Variants in MDGA2 observed in about 807,000 individuals in gnomAD.
The protein encoded by MDGA2 is MAM domain containing glycosylphosphatidylinositol anchor 2.
MDGA2 carries 40 observed loss-of-function variants against 117.8 expected under a neutral mutation model. That is an observed-to-expected ratio of 0.34 (90% CI 0.26 to 0.44). The LOEUF is 0.44. Among genes scored for constraint, MDGA2 ranks in the 20% least tolerant of loss-of-function variants. The pLI, the probability that MDGA2 is intolerant of heterozygous loss-of-function variation, is 1.00. For missense variants in MDGA2, 1,123 were observed against 1,250.6 expected (o/e 0.90, Z 1.54); for synonymous variants, 452 against 439.0 (o/e 1.03, Z -0.37).
At chr14:47,582,854 C>T (rs1896254300) in intron 1 of MDGA2, among the ~76,000 whole-genome samples, 1 of 151,844 alleles carries the variant, frequency 6.6e-6, no homozygotes, top group Non-Finnish European at 1.5e-5. Context: ...TTCTCTTAAT[C>T]CAGAATTAGT....
intron 1 of MDGA2, among the ~76,000 whole-genome samples, chr14:47,430,938 G>A (rs994623250): frequency 1.3e-5 from 2 of 152,150 alleles, no homozygotes; most frequent in African/African-American, 4.8e-5. Flanking sequence ...TTGACTGAGT[G>A]CACACTCATC....
chr14:46,866,756 G>C (rs1348635431), intron 14 of MDGA2, among the ~76,000 whole-genome samples: 1 of 150,822 alleles, frequency 6.6e-6, no homozygotes, highest in African/African-American at 2.4e-5. Context: ...CTTCTCAAAA[G>C]AAGACATTTA....
chr14:47,218,947 C>A (rs1181699731), intron 2 of MDGA2, among the ~76,000 whole-genome samples: 2 of 152,064 alleles, frequency 1.3e-5, no homozygotes, highest in Non-Finnish European at 2.9e-5. Context: ...TTCGTTTTTG[C>A]TGGCAATAAT....
At chr14:47,040,622 C>A (rs1163067963) in intron 7 of MDGA2, among the ~76,000 whole-genome samples, 1 of 152,154 alleles carries the variant, frequency 6.6e-6, no homozygotes, top group Non-Finnish European at 1.5e-5. Flanking sequence ...ATGAGCAGTT[C>A]TTTTCCATGG....
intron 2 of MDGA2, among the ~76,000 whole-genome samples, chr14:47,268,026 A>AG (rs1888021976): frequency 2.0e-5 from 3 of 151,628 alleles, no homozygotes; most frequent in Admixed American, 2.0e-4. Context: ...AATAGGACAA[A>AG]GGCTACAATC....
At chr14:47,460,419 AC>A in intron 1 of MDGA2, among the ~76,000 whole-genome samples, 1 of 152,298 alleles carries the variant, frequency 6.6e-6, no homozygotes, top group Admixed American at 6.5e-5. Context: ...GCACTGTATT[AC>A]AACATTTACA....
intron 1 of MDGA2, among the ~76,000 whole-genome samples, chr14:47,649,540 C>T (rs1945299777): frequency 2.6e-5 from 4 of 152,048 alleles, no homozygotes; most frequent in African/African-American, 9.7e-5. Flanking sequence ...CAAAAATTAC[C>T]TGAGCATGGA....
At chr14:46,921,220 C>T (rs1215762266) in intron 9 of MDGA2, among the ~76,000 whole-genome samples, 2 of 151,978 alleles carry the variant, frequency 1.3e-5, no homozygotes, top group Non-Finnish European at 2.9e-5. Flanking sequence ...TTTTTCCAGA[C>T]TTTTCATGTA....
chr14:47,124,132 T>C (rs189349043), intron 5 of MDGA2, among the ~76,000 whole-genome samples: 12 of 152,198 alleles, frequency 7.9e-5, no homozygotes, highest in African/African-American at 2.9e-4. Context: ...ATTTCCAATA[T>C]TTTAGCGCAT....
At position 47,452,598 on chromosome 14, in the gene MDGA2, G is replaced by T. The variant is rs187887532; in HGVS notation, c.281-151048C>A. Among the ~76,000 whole-genome samples the T allele has an allele frequency of 5.7e-4, 80 of 141,114 alleles. 1 individual carries two copies. The highest frequency in any genetic ancestry group is 2.0e-3 in the African/African-American group (75 of 38,144). The allele number at this position is 141,114 out of a possible 152,430, so 92.6% of individuals were successfully genotyped here. A position where few individuals can be genotyped will look rare whatever the true frequency, so the allele number is the denominator to read the frequency against. On this transcript the variant is annotated intron_variant, in intron 1 of 16. Coordinates refer to ENST00000399232, the MANE Select transcript of MDGA2 (RefSeq NM_001113498.3). The stretch of plus-strand genomic sequence containing the variant: ...CCTTTAGGAATTCTTCCAAAACAAA[G>T]ATTTTTATCATACTGCAACAGAAAT...
intron 5 of MDGA2, among the ~76,000 whole-genome samples, chr14:47,101,237 G>C (rs1880307479): frequency 6.6e-6 from 1 of 152,102 alleles, no homozygotes; most frequent in Admixed American, 6.6e-5. Flanking sequence ...GGAACAAAAA[G>C]TCTGTGGTTT....
chr14:47,173,960 A>C (rs1172032367), intron 3 of MDGA2, among the ~76,000 whole-genome samples: 2 of 152,178 alleles, frequency 1.3e-5, no homozygotes, highest in African/African-American at 2.4e-5. Flanking sequence ...AAGATCTACC[A>C]AGCAAATGGA....
At chr14:47,175,102 G>A (rs1271158124) in intron 3 of MDGA2, among the ~76,000 whole-genome samples, 5 of 151,670 alleles carry the variant, frequency 3.3e-5, no homozygotes, top group Non-Finnish European at 7.4e-5. Flanking sequence ...AAACCAGGAA[G>A]AAGTTGAATC....
intron 2 of MDGA2, among the ~76,000 whole-genome samples, chr14:47,227,807 C>T (rs1461478805): frequency 6.6e-6 from 1 of 152,196 alleles, no homozygotes; most frequent in East Asian, 1.9e-4. Context: ...ATCTCCTTGA[C>T]TTCTGAACAG....
intron 1 of MDGA2, among the ~76,000 whole-genome samples, chr14:47,329,246 T>C (rs537095922): frequency 2.0e-5 from 3 of 152,108 alleles, no homozygotes; most frequent in Non-Finnish European, 2.9e-5. Context: ...GTCTCTATTA[T>C]GTTGAAGAAC....
intron 3 of MDGA2, among the ~76,000 whole-genome samples, chr14:47,147,711 G>A (rs1883000153): frequency 6.6e-6 from 1 of 152,158 alleles, no homozygotes; most frequent in African/African-American, 2.4e-5. Context: ...TATCCAGTCA[G>A]ATCTACTTGC....
At chr14:47,446,557 C>G (rs548788645) in intron 1 of MDGA2, among the ~76,000 whole-genome samples, 2 of 151,578 alleles carry the variant, frequency 1.3e-5, no homozygotes, top group South Asian at 4.2e-4. Context: ...TTTGTAAAAA[C>G]GAAAGTGGGG....
At chr14:47,380,829 GAAA>G (rs1487064555) in intron 1 of MDGA2, among the ~76,000 whole-genome samples, 1 of 151,994 alleles carries the variant, frequency 6.6e-6, no homozygotes, top group African/African-American at 2.4e-5. Flanking sequence ...CCAATGAATA[GAAA>G]AAGAGGGAAT....
intron 3 of MDGA2, among the ~76,000 whole-genome samples, chr14:47,166,161 G>A (rs1883866942): frequency 1.3e-5 from 2 of 150,576 alleles, no homozygotes; most frequent in African/African-American, 4.9e-5. Context: ...TCAGCCTCCC[G>A]AGTAGCTGGG....
Sources: gnomAD v4.1 joint callset for allele counts (sites outside exome capture counted in the v4.1 genomes callset) on GRCh38, gnomAD v4.1.1 for gene constraint, MANE v1.5 for transcripts, NCBI Gene and HGNC (gene_info 2026-07-23, HGNC 2026-07-21) for gene names.